The following TBCD variants were observed in gnomAD, a reference collection of about 807,000 sequenced individuals.
TBCD encodes the protein tubulin-specific chaperone D.
In TBCD, 105 loss-of-function variants were observed where a neutral mutation model predicts 169.3. That is an observed-to-expected ratio of 0.62 (90% CI 0.53 to 0.73). The LOEUF (loss-of-function observed/expected upper bound fraction) is 0.73. Among genes scored for constraint, TBCD ranks in the 30% least tolerant of loss-of-function variants. The pLI, the probability that TBCD is intolerant of heterozygous loss-of-function variation, is 0.00. For synonymous variants in TBCD, 700 were observed against 643.9 expected (o/e 1.09, Z -1.32); for missense variants, 1,444 against 1,600.1 (o/e 0.90, Z 1.66).
chr17:82,768,275 G>C (rs2048125375), intron 4 of TBCD, 145 bp from the exon 5 acceptor site: 3 of 959,594 alleles, frequency 3.1e-6, no homozygotes, highest in South Asian at 1.6e-5. Flanking sequence ...TGAACGGCTT[G>C]CATTTCTGGC....
At chr17:82,877,073 C>G (rs546570560) in intron 14 of TBCD, 2 of 731,142 alleles carry the variant, frequency 2.7e-6, no homozygotes, top group Non-Finnish European at 3.3e-6. Flanking sequence ...GTAATTTAAA[C>G]AAATAACACA....
rs553009787 is a variant in TBCD, at chr17:82,782,819, G to C, written c.771+1098G>C. Among the ~76,000 whole-genome samples the C allele has an allele frequency of 2.0e-5, 3 of 149,276 alleles. No individual in the cohort carries two copies. The highest frequency in any genetic ancestry group is 4.5e-5 in the Non-Finnish European group (3 of 67,158). On this transcript the variant is annotated intron_variant, in intron 7 of 38. Coordinates refer to ENST00000355528, the MANE Select transcript of TBCD (RefSeq NM_005993.5). This position sits in a 1 kb window ranked among gnomAD's most constrained non-coding sequence, Gnocchi z 5.1. ...GCGTCGTCCTGTCTGCGGTGGCGTC[G>C]TCCTGTCTGCGGTGGCGTCCTCCTG...
intron 14 of TBCD, among the ~76,000 whole-genome samples, chr17:82,876,094 A>AT (rs138718866): frequency 0.025 from 3,757 of 152,322 alleles, 179 homozygotes; most frequent in African/African-American, 0.086. Context: ...TTTTATTGCT[A>AT]TAAAATATTA....
chr17:82,917,871 GGGGAGAGTTGGCCCCCGCCGCTC>G (rs1218056462), intron 23 of TBCD, among the ~76,000 whole-genome samples: 1 of 152,164 alleles, frequency 6.6e-6, no homozygotes, highest in East Asian at 1.9e-4. Context: ...GCCGTGAGCC[GGGGAGAGTTGGCCCCCGCCGCTC>G]TGTCCCTCTC....
At chr17:82,799,441 C>CAAAAAAAAAAAA (rs61017445) in intron 8 of TBCD, among the ~76,000 whole-genome samples, 4 of 72,622 alleles carry the variant, frequency 5.5e-5, no homozygotes, top group Non-Finnish European at 1.0e-4. Context: ...GACTCTGTCT[C>CAAAAAAAAAAAA]AAAAAAAAAA....
intron 7 of TBCD, among the ~76,000 whole-genome samples, chr17:82,794,778 A>T (rs541447176): frequency 6.6e-6 from 1 of 152,318 alleles, no homozygotes; most frequent in South Asian, 2.1e-4. Context: ...TCCTGCACCC[A>T]TGCCTGGGAA....
chr17:82,776,276 G>C (rs1479263583), intron 6 of TBCD, among the ~76,000 whole-genome samples: 1 of 152,066 alleles, frequency 6.6e-6, no homozygotes, highest in African/African-American at 2.4e-5. Context: ...GTGGCGTGGT[G>C]GCACGCACCT....
chr17:82,838,818 G>A (rs768439170), intron 13 of TBCD: 5 of 985,412 alleles, frequency 5.1e-6, no homozygotes, highest in Middle Eastern at 5.2e-4. Context: ...AGGAGATCCC[G>A]AGTTACAGAC....
chr17:82,831,509 G>T lies in TBCD; in HGVS notation c.1318+16575G>T. 1.2e-6 allele frequency: 2 copies of T among 1,614,194 alleles called. No homozygotes were observed. The highest frequency in any genetic ancestry group is 1.3e-5 in the African/African-American group (1 of 75,052). ...GGCCTGTAAAATCCGTAAGGAATCG[G>T]CAGGTTAGAGGGATATTGCTGGAAA... is the stretch of plus-strand genomic sequence containing the variant. On this transcript the variant is annotated intron_variant, in intron 13 of 38. Coordinates refer to ENST00000355528, the MANE Select transcript of TBCD (RefSeq NM_005993.5). The surrounding 1 kb of genome is among the most constrained non-coding windows in gnomAD (Gnocchi z 4.6).
chr17:82,778,070 T>C (rs923373218), intron 6 of TBCD, among the ~76,000 whole-genome samples: 4 of 152,262 alleles, frequency 2.6e-5, no homozygotes, highest in African/African-American at 7.2e-5. Flanking sequence ...TATCTCTGTA[T>C]GGCCTGGCTT....
chr17:82,831,918 G>A lies in TBCD; in HGVS notation c.1318+16984G>A, dbSNP rs948959982. 3.7e-6 allele frequency: 6 copies of A among 1,614,168 alleles called. No homozygotes were observed. Among genetic ancestry groups the A allele is most frequent in the Middle Eastern group, 1.6e-4 (1 of 6,062 alleles). ...TGGGGTTGTGTAAAGCCAGTGTCTC[G>A]GGCGCCTCGGCGTTGTCTGGCCCCT... On this transcript the variant is annotated intron_variant, in intron 13 of 38. Coordinates refer to ENST00000355528, the MANE Select transcript of TBCD (RefSeq NM_005993.5). The surrounding 1 kb of genome is among the most constrained non-coding windows in gnomAD (Gnocchi z 4.6).
Position 82,833,675 on chromosome 17 carries a change from C to A in TBCD, c.1318+18741C>A, listed in dbSNP as rs1456847844. On this transcript the variant is annotated intron_variant, in intron 13 of 38. Transcript: ENST00000355528. The surrounding 1 kb of genome is among the most constrained non-coding windows in gnomAD (Gnocchi z 4.7). Reference sequence around the variant, plus strand: ...AAATGGAAGAACCAAAGCTTTGCCACACTCCTGCCCGAGAGGAGACCAGAG... The same window carrying A: ...AAATGGAAGAACCAAAGCTTTGCCAAACTCCTGCCCGAGAGGAGACCAGAG... Among the ~76,000 whole-genome samples the A allele has an allele frequency of 3.9e-5, 6 of 152,204 alleles. No individual in the cohort carries two copies. Among genetic ancestry groups the A allele is most frequent in the African/African-American group, 1.2e-4 (5 of 41,446 alleles).
intron 1 of TBCD, among the ~76,000 whole-genome samples, chr17:82,753,139 C>T (rs905665520): frequency 3.3e-5 from 5 of 152,076 alleles, no homozygotes; most frequent in Non-Finnish European, 7.3e-5. Flanking sequence ...TTTGTAGACC[C>T]TTTGAGTAAG....
chr17:82,754,898 G>T (rs959641444), intron 1 of TBCD, among the ~76,000 whole-genome samples: 2 of 152,220 alleles, frequency 1.3e-5, no homozygotes, highest in African/African-American at 4.8e-5. Context: ...AGGGAGCAGT[G>T]CCTGGATATG....
rs975373052 is a variant in TBCD, at chr17:82,833,120, C to T, written c.1318+18186C>T. Among the ~76,000 whole-genome samples, 1 of 152,048 alleles carries T rather than the reference C, an allele frequency of 6.6e-6. No homozygotes were observed. Among genetic ancestry groups the T allele is most frequent in the Non-Finnish European group, 1.5e-5 (1 of 68,032 alleles). On this transcript the variant is annotated intron_variant, in intron 13 of 38. Transcript: ENST00000355528. The surrounding 1 kb of genome is among the most constrained non-coding windows in gnomAD (Gnocchi z 4.7). ...GGGTGTGTGATCGGCCACACTCTCACGTGAAATACGAAGGGGTTTGTGGCT... is the reference window on the plus strand; with the variant it reads ...GGGTGTGTGATCGGCCACACTCTCATGTGAAATACGAAGGGGTTTGTGGCT...
Position 82,944,452 on chromosome 17 carries a change from C to G in TBCD, c.*1989C>G, listed in dbSNP as rs1437159012. ...ACAATAGCAAATGAACAAGCAAGCA[C>G]CATCAAGGCAGGCAACACTGAGTGC... On this transcript the variant is annotated 3_prime_UTR_variant, in exon 39 of 39. Coordinates refer to ENST00000355528, the MANE Select transcript of TBCD (RefSeq NM_005993.5). The G allele has an allele frequency of 2.0e-5, 3 of 152,242 alleles. No homozygotes were observed. The highest frequency in any genetic ancestry group is 4.8e-5 in the African/African-American group (2 of 41,436). 9.4% of individuals were successfully genotyped at this position (152,242 alleles called of 1,614,324 possible).
intron 2 of TBCD, among the ~76,000 whole-genome samples, chr17:82,758,816 C>T (rs192872355): frequency 2.2e-4 from 33 of 151,714 alleles, no homozygotes; most frequent in African/African-American, 7.0e-4. Flanking sequence ...TGTGCTACCA[C>T]GCCTGGCTAA....
At chr17:82,777,578 C>T (rs777270602) in intron 6 of TBCD, among the ~76,000 whole-genome samples, 13 of 152,128 alleles carry the variant, frequency 8.5e-5, no homozygotes, top group Admixed American at 1.3e-4. Context: ...GCCTGGCAGC[C>T]GAGGCAGAGA....
intron 8 of TBCD, among the ~76,000 whole-genome samples, chr17:82,799,441 CAAAAAAAAAAAAAAAAA>C (rs61017445): frequency 1.4e-5 from 1 of 72,620 alleles, no homozygotes; most frequent in Admixed American, 1.8e-4. Flanking sequence ...GACTCTGTCT[CAAAAAAAAAAAAAAAAA>C]AAAAAGAAAC....
Sources: gnomAD v4.1 joint callset for allele counts (sites outside exome capture counted in the v4.1 genomes callset) on GRCh38, gnomAD v4.1.1 for gene constraint, Gnocchi (gnomAD v3.1) non-coding constraint, MANE v1.5 for transcripts, NCBI Gene and HGNC (gene_info 2026-07-23, HGNC 2026-07-21) for gene names.